Variants in TUB observed in about 807,000 individuals in gnomAD.
TUB encodes the protein tubby protein homolog.
Under a neutral mutation model 59.7 loss-of-function variants are expected in TUB, and 33 were observed. The ratio of observed to expected loss-of-function variants is 0.55; its 90% CI spans 0.42 to 0.74. The LOEUF (loss-of-function observed/expected upper bound fraction) is 0.74, where lower values mean the gene tolerates loss of function less well. TUB is among the 30% of genes least tolerant of loss of function. The probability of loss-of-function intolerance (pLI) is 0.00; values close to 1 mark genes in which losing one functional copy is unlikely to be tolerated. For missense variants in TUB, 659 were observed against 672.0 expected (o/e 0.98, Z 0.21); for synonymous variants, 293 against 256.4 (o/e 1.14, Z -1.36).
chr11:8,096,172 G>A (rs1435750774), intron 5 of TUB, among the ~76,000 whole-genome samples: 1 of 152,220 alleles, frequency 6.6e-6, no homozygotes, highest in African/African-American at 2.4e-5. Context: ...GCAGGCGGGA[G>A]GACAGCTGAG....
chr11:8,078,322 G>A (rs539551366), upstream of TUB, among the ~76,000 whole-genome samples: 3 of 152,280 alleles, frequency 2.0e-5, no homozygotes, highest in East Asian at 5.8e-4. Flanking sequence ...GATTTGGGCA[G>A]GTGGTGAGGG....
Position 8,040,422 on chromosome 11 carries a change from A to G in TUB, c.203+730A>G, listed in dbSNP as rs547424322. On this transcript the variant is annotated intron_variant, in intron 2 of 12. Coordinates refer to the TUB transcript ENST00000305253. ...AGTCTGTCTGTCCTTCCAAGGGACCAGGCCAGAGAAATGGGGGGCACCTGG... is the reference window on the plus strand; with the variant it reads ...AGTCTGTCTGTCCTTCCAAGGGACCGGGCCAGAGAAATGGGGGGCACCTGG... Among the ~76,000 whole-genome samples the G allele has an allele frequency of 2.0e-5, 3 of 152,230 alleles. No homozygotes were observed. The East Asian group carries it at 5.8e-4, about 29-fold the overall frequency.
rs1455142328 is a variant in TUB at position 8,105,332 on chromosome 11, G to T, written c.*3713G>T. On this transcript the variant is annotated 3_prime_UTR_variant, in exon 12 of 12. Coordinates refer to ENST00000299506, the MANE Select transcript of TUB (RefSeq NM_177972.3). ...GAATGACCTGCAGTCAGGGCCCAGA[G>T]TTGGGACTCTATACTACCCTGGGCT... The T allele has an allele frequency of 6.6e-6, 1 of 152,234 alleles. No homozygotes were observed. Among genetic ancestry groups the T allele is most frequent in the Non-Finnish European group, 1.5e-5 (1 of 68,048 alleles). 9.4% of individuals were successfully genotyped at this position (152,234 alleles called of 1,614,324 possible).
chr11:8,022,742 T>C (rs184650712), intron 1 of TUB, among the ~76,000 whole-genome samples: 1 of 152,026 alleles, frequency 6.6e-6, no homozygotes, highest in East Asian at 1.9e-4. Flanking sequence ...ATACAAAAAT[T>C]AGCCAGGTGT....
Position 8,097,825 on chromosome 11 carries a change from C to A in TUB, c.997C>A (p.Arg333=), listed in dbSNP as rs780917279. 1 of 1,611,214 alleles carries A rather than the reference C, an allele frequency of 6.2e-7. No homozygotes were observed. Among genetic ancestry groups the A allele is most frequent in the East Asian group, 2.2e-5 (1 of 44,850 alleles). Residue 333 remains arginine (R), a splice_region_variant and synonymous_variant, in exon 8 of 12, where the codon CGG becomes AGG. Transcript: ENST00000299506. ...AGGGGACAGCTATATCGGGAAACTG[C>A]GGTACTAGCATTCCCCCAGGAAGCA... ...RGGDSYIGKL[R]SNLMGTKFTV...
At chr11:8,035,270 A>T (rs1942630557), upstream of TUB, among the ~76,000 whole-genome samples, 1 of 152,260 alleles carries the variant, frequency 6.6e-6, no homozygotes, top group Non-Finnish European at 1.5e-5. Context: ...TATTGGCCTC[A>T]CTTGCCTTAC....
intron 11 of TUB, among the ~76,000 whole-genome samples, chr11:8,101,255 T>C (rs1254657882): frequency 6.6e-6 from 1 of 152,228 alleles, no homozygotes; most frequent in African/African-American, 2.4e-5. Context: ...ACTTTTCCTC[T>C]TTTCTGTCCC....
At chr11:8,046,546 TATTTA>T (rs1269406331) in intron 2 of TUB, among the ~76,000 whole-genome samples, 9 of 152,240 alleles carry the variant, frequency 5.9e-5, no homozygotes, top group Admixed American at 5.9e-4. Context: ...CATTCCCTGA[TATTTA>T]ATTAAATAAA....
In TUB at chr11:8,103,374, G is replaced by A. The variant is rs1944389313; in HGVS notation, c.*1755G>A. On this transcript the variant is annotated 3_prime_UTR_variant, in exon 12 of 12. Coordinates refer to ENST00000299506, the MANE Select transcript of TUB (RefSeq NM_177972.3). ...TACCTTGCTTTAGAGTAGATGTTTGGAAAAGCTAAGTAGAAATTTTTTAAA... is the reference window on the plus strand; with the variant it reads ...TACCTTGCTTTAGAGTAGATGTTTGAAAAAGCTAAGTAGAAATTTTTTAAA... The A allele has an allele frequency of 1.3e-5, 2 of 152,214 alleles. No homozygotes were observed. The highest frequency in any genetic ancestry group is 4.8e-5 in the African/African-American group (2 of 41,460). The allele number at this position is 152,214 out of a possible 1,614,324, so 9.4% of individuals were successfully genotyped here.
chr11:8,083,772 G>A (rs1258210801), intron 1 of TUB, among the ~76,000 whole-genome samples: 1 of 152,146 alleles, frequency 6.6e-6, no homozygotes, highest in African/African-American at 2.4e-5. Flanking sequence ...TTCTGTTGTA[G>A]AGAGGGGGGT....
intron 1 of TUB, among the ~76,000 whole-genome samples, chr11:8,082,553 T>C (rs1292877178): frequency 6.6e-6 from 1 of 152,220 alleles, no homozygotes; most frequent in Non-Finnish European, 1.5e-5. Flanking sequence ...GCTGGACTCC[T>C]AAGGCCCACT....
chr11:8,100,774 T>C (rs376443218), intron 10 of TUB, 52 bp from the exon 11 acceptor site: 16 of 1,603,238 alleles, frequency 1.0e-5, no homozygotes, highest in Non-Finnish European at 1.2e-5. Context: ...CTTTCTGGGG[T>C]GGTCATGGTG....
intron 1 of TUB, among the ~76,000 whole-genome samples, chr11:8,020,000 C>A (rs933314535): frequency 1.3e-5 from 2 of 152,200 alleles, no homozygotes; most frequent in African/African-American, 4.8e-5. Flanking sequence ...AGCTGCGCTC[C>A]CCACGCACTC....
chr11:8,034,043 G>T (rs1942612997), upstream of TUB, among the ~76,000 whole-genome samples: 2 of 152,236 alleles, frequency 1.3e-5, no homozygotes. Flanking sequence ...AGGGACCAGA[G>T]GCAAGGGCTG....
At chr11:8,042,089 A>G (rs554464004) in intron 2 of TUB, among the ~76,000 whole-genome samples, 1 of 151,282 alleles carries the variant, frequency 6.6e-6, no homozygotes, top group South Asian at 2.1e-4. Flanking sequence ...CATTTTCATT[A>G]CTCCCCCCAA....
intron 1 of TUB, among the ~76,000 whole-genome samples, chr11:8,032,077 A>G (rs1033159726): frequency 1.3e-5 from 2 of 151,942 alleles, no homozygotes; most frequent in South Asian, 2.1e-4. Context: ...GCGACTGCAC[A>G]GAGCCTCCCA....
At chr11:8,044,415 C>A (rs1002509576) in intron 2 of TUB, among the ~76,000 whole-genome samples, 1 of 152,092 alleles carries the variant, frequency 6.6e-6, no homozygotes, top group African/African-American at 2.4e-5. Context: ...CATTTCTCTC[C>A]TCATCATAGT....
chr11:8,091,143 C>T (rs1243388502), intron 3 of TUB, among the ~76,000 whole-genome samples: 1 of 152,178 alleles, frequency 6.6e-6, no homozygotes, highest in African/African-American at 2.4e-5. Context: ...TGCCTCACCT[C>T]AGGGCTGAGC....
chr11:8,025,305 G>C lies in TUB; in HGVS notation c.56+5947G>C, dbSNP rs79961920. Among the ~76,000 whole-genome samples the C allele has an allele frequency of 4.0e-3, 613 of 152,232 alleles. 7 individuals are homozygous for C. Among genetic ancestry groups the C allele is most frequent in the African/African-American group, 0.014 (567 of 41,540 alleles). On this transcript the variant is annotated intron_variant, in intron 1 of 11. Transcript: ENST00000534099. ...GTGTGGTCAGGGAAACTCTGAGGAG[G>C]GGGTATTTCATCCAAGAGCTGAAAG...
Sources: allele counts gnomAD v4.1 joint callset (sites outside exome capture counted in the v4.1 genomes callset), GRCh38; gene constraint gnomAD v4.1.1; transcripts MANE v1.5; gene names NCBI Gene and HGNC (gene_info 2026-07-23, HGNC 2026-07-21).